TCF4: variants seen among roughly 807,000 people sequenced by gnomAD.
TCF4 encodes SL3-3 enhancer factor 2.
TCF4 carries 3 observed loss-of-function variants against 82.1 expected under a neutral mutation model. The observed-to-expected ratio is 0.04, with a 90% CI of 0.02 to 0.09. The LOEUF (loss-of-function observed/expected upper bound fraction) is 0.09. Ranked by LOEUF, TCF4 falls within the 10% of genes least tolerant of loss-of-function variation. The probability of loss-of-function intolerance (pLI) is 1.00; values close to 1 mark genes in which losing one functional copy is unlikely to be tolerated. For missense variants in TCF4, 518 were observed against 852.7 expected, an observed-to-expected ratio of 0.61 and a Z score of 4.89; for synonymous variants, 276 against 309.6, an observed-to-expected ratio of 0.89 and a Z score of 1.14.
chr18:55,476,097 C>T (rs997222192), intron 3 of TCF4, among the ~76,000 whole-genome samples: 3 of 151,992 alleles, frequency 2.0e-5, no homozygotes, highest in Non-Finnish European at 2.9e-5. Flanking sequence ...AGAGGCACTT[C>T]CCAATTAAAT....
chr18:55,525,780 T>C (rs977506330), intron 3 of TCF4, among the ~76,000 whole-genome samples: 1 of 99,978 alleles, frequency 1.0e-5, no homozygotes, highest in Non-Finnish European at 2.0e-5. Context: ...ACTCAGTTCA[T>C]TTCCGCCTTG....
intron 5 of TCF4, among the ~76,000 whole-genome samples, chr18:55,416,023 C>T (rs1462410300): frequency 2.0e-5 from 3 of 152,036 alleles, no homozygotes; most frequent in Non-Finnish European, 4.4e-5. Context: ...CTGGTTTGTG[C>T]TTGATTGATT....
intron 2 of TCF4, chr18:55,585,864 C>T: frequency 8.6e-7 from 1 of 1,166,814 alleles, no homozygotes; most frequent in Non-Finnish European, 1.1e-6. Context: ...AAGCAAGACT[C>T]TCTCTCTCTC....
At chr18:55,378,236 T>C (rs997498765) in intron 6 of TCF4, among the ~76,000 whole-genome samples, 1 of 152,196 alleles carries the variant, frequency 6.6e-6, no homozygotes, top group Non-Finnish European at 1.5e-5. Context: ...TGCCCACTCT[T>C]GTGCACCCAA....
At chr18:55,344,874 C>A (rs1175096846) in intron 8 of TCF4, among the ~76,000 whole-genome samples, 4 of 152,032 alleles carry the variant, frequency 2.6e-5, no homozygotes, top group Non-Finnish European at 4.4e-5. Flanking sequence ...GCAGGAATAG[C>A]TCAAAAATAC....
rs1207703800 is a variant in TCF4 at position 55,345,415 on chromosome 18, A to ATTGTCATG, written c.549+4936_549+4943dup. ...ATTTTCTCAGCTTTCACTGTTCCCC[A>ATTGTCATG]TTGTCATGTTATATATGCCGTGTAA... On this transcript the variant is annotated intron_variant, in intron 8 of 19. Transcript: ENST00000354452. 2.6e-5 allele frequency among the ~76,000 whole-genome samples: 4 copies of ATTGTCATG among 152,160 alleles called. No homozygotes were observed. In the East Asian group the frequency reaches 7.7e-4, roughly 29 times the overall value.
At chr18:55,291,231 C>T (rs2065023903) in intron 8 of TCF4, among the ~76,000 whole-genome samples, 1 of 152,072 alleles carries the variant, frequency 6.6e-6, no homozygotes, top group Non-Finnish European at 1.5e-5. Context: ...AGCACTTGAC[C>T]AGAATATCCT....
intron 8 of TCF4, among the ~76,000 whole-genome samples, chr18:55,291,035 T>C (rs2146593156): frequency 6.6e-6 from 1 of 152,324 alleles, no homozygotes; most frequent in Middle Eastern, 3.4e-3. Context: ...CATTATCTTC[T>C]TTAATCATCA....
At chr18:55,337,000 C>T (rs2078785967) in intron 8 of TCF4, among the ~76,000 whole-genome samples, 1 of 152,046 alleles carries the variant, frequency 6.6e-6, no homozygotes, top group Non-Finnish European at 1.5e-5. Flanking sequence ...AAATTTTGCA[C>T]AAACAGAACA....
chr18:55,448,793 G>C (rs1349562293), intron 5 of TCF4, among the ~76,000 whole-genome samples: 4 of 152,194 alleles, frequency 2.6e-5, no homozygotes, highest in Admixed American at 1.3e-4. Context: ...TGCCAGAGCA[G>C]GTGTGAACTC....
chr18:55,359,825 T>C (rs1417191147), intron 6 of TCF4, among the ~76,000 whole-genome samples: 1 of 152,232 alleles, frequency 6.6e-6, no homozygotes, highest in Non-Finnish European at 1.5e-5. Context: ...TCCTTTAAAG[T>C]ACATTTGAAG....
chr18:55,305,172 C>G (rs887722110), intron 8 of TCF4, among the ~76,000 whole-genome samples: 1 of 152,144 alleles, frequency 6.6e-6, no homozygotes, highest in Non-Finnish European at 1.5e-5. Flanking sequence ...GTCTTCCTCC[C>G]GCTATCATCC....
chr18:55,594,720 C>T (rs1399437963), intron 2 of TCF4, among the ~76,000 whole-genome samples: 1 of 152,116 alleles, frequency 6.6e-6, no homozygotes, highest in Non-Finnish European at 1.5e-5. Flanking sequence ...ACAGTGTCTT[C>T]ATTATTTTTA....
intron 3 of TCF4, among the ~76,000 whole-genome samples, chr18:55,541,126 A>G (rs1568354423): frequency 6.6e-6 from 1 of 152,016 alleles, no homozygotes; most frequent in Non-Finnish European, 1.5e-5. Flanking sequence ...TTCTATGCCC[A>G]TAAAGTGATA....
At chr18:55,385,922 C>T (rs1461849162) in intron 6 of TCF4, among the ~76,000 whole-genome samples, 1 of 152,208 alleles carries the variant, frequency 6.6e-6, no homozygotes, top group Non-Finnish European at 1.5e-5. Context: ...AGAATGTCCA[C>T]ACGGCCACTG....
At chr18:55,261,577 G>A (rs374712894) in intron 11 of TCF4, 44 bp from the exon 12 acceptor site, 14 of 1,605,062 alleles carry the variant, frequency 8.7e-6, no homozygotes, top group South Asian at 3.3e-5. Flanking sequence ...GCAGTGAGAC[G>A]TCTAACAATT....
intron 5 of TCF4, among the ~76,000 whole-genome samples, chr18:55,419,446 T>C (rs559684412): frequency 2.0e-5 from 3 of 152,354 alleles, no homozygotes; most frequent in East Asian, 3.9e-4. Context: ...CACTAAATGA[T>C]AAACAATTCT....
intron 3 of TCF4, among the ~76,000 whole-genome samples, chr18:55,572,781 C>G (rs368381051): frequency 6.6e-6 from 1 of 152,104 alleles, no homozygotes; most frequent in African/African-American, 2.4e-5. Context: ...GGGCTAGGCT[C>G]GGTGGCTCAC....
chr18:55,558,923 G>A (rs559862782), intron 3 of TCF4, among the ~76,000 whole-genome samples: 3 of 151,978 alleles, frequency 2.0e-5, no homozygotes, highest in African/African-American at 7.2e-5. Flanking sequence ...AAGAGAGAGG[G>A]CTAAAGAAAA....
Sources: gnomAD v4.1 joint callset for allele counts (sites outside exome capture counted in the v4.1 genomes callset) on GRCh38, gnomAD v4.1.1 for gene constraint, MANE v1.5 for transcripts, NCBI Gene and HGNC (gene_info 2026-07-23, HGNC 2026-07-21) for gene names.